Variants in ACER2 observed in about 807,000 individuals in gnomAD.
ACER2 encodes alkaline ceramidase 2, also known as alkCDase 2.
Under a neutral mutation model 34.7 loss-of-function variants are expected in ACER2, and 26 were observed. That is an observed-to-expected ratio of 0.75 (90% CI 0.55 to 1.04). The LOEUF (loss-of-function observed/expected upper bound fraction) is 1.04. Ranked by LOEUF, ACER2 falls within the 50% of genes least tolerant of loss-of-function variation. The probability of loss-of-function intolerance (pLI) is 0.00; values close to 1 mark genes in which losing one functional copy is unlikely to be tolerated. For missense variants in ACER2, 352 were observed against 340.8 expected (o/e 1.03, Z -0.26); for synonymous variants, 138 against 132.1 (o/e 1.04, Z -0.31).
intron 1 of ACER2, among the ~76,000 whole-genome samples, chr9:19,413,125 T>A (rs769792829): frequency 6.6e-6 from 1 of 152,214 alleles, no homozygotes; most frequent in Non-Finnish European, 1.5e-5. Context: ...ACAAAACATT[T>A]TGCTTTGGCC....
At chr9:19,410,348 G>A (rs1222505355) in intron 1 of ACER2, among the ~76,000 whole-genome samples, 1 of 152,116 alleles carries the variant, frequency 6.6e-6, no homozygotes, top group Non-Finnish European at 1.5e-5. Context: ...TTCCCTCAGT[G>A]CTGAAATCCA....
At chr9:19,447,516 A>C (rs775220326) in intron 5 of ACER2, among the ~76,000 whole-genome samples, 1 of 152,216 alleles carries the variant, frequency 6.6e-6, no homozygotes, top group Non-Finnish European at 1.5e-5. Flanking sequence ...GATTCAACTC[A>C]ACTAATACTA....
intron 1 of ACER2, among the ~76,000 whole-genome samples, chr9:19,423,032 C>CAAAAAA (rs764823366): frequency 2.9e-5 from 2 of 68,960 alleles, no homozygotes; most frequent in African/African-American, 4.7e-5. Context: ...AACTCTGTCT[C>CAAAAAA]AAAAAAAAAA....
chr9:19,417,286 T>C lies in ACER2; in HGVS notation c.109-6576T>C, dbSNP rs1279387977. ...AAAGGAAGAATCAAAATCATGAAAA[T>C]GGCCATACTGCCCAAGGTAATTTAT... is the stretch of plus-strand genomic sequence containing the variant. On this transcript the variant is annotated intron_variant, in intron 1 of 5. Coordinates refer to ENST00000340967, the MANE Select transcript of ACER2 (RefSeq NM_001010887.3). Among the ~76,000 whole-genome samples, 4 of 152,278 alleles carry C rather than the reference T, an allele frequency of 2.6e-5. No homozygotes were observed. The East Asian group carries it at 7.7e-4, about 29-fold the overall frequency.
chr9:19,414,535 T>C (rs932820983), intron 1 of ACER2, among the ~76,000 whole-genome samples: 11 of 152,146 alleles, frequency 7.2e-5, no homozygotes, highest in African/African-American at 2.7e-4. Flanking sequence ...CTAATCCTAG[T>C]ACTTTAGGAG....
At chr9:19,409,293 G>T in intron 1 of ACER2, 101 bp downstream of exon 1, 1 of 1,168,046 alleles carries the variant, frequency 8.6e-7, no homozygotes, top group South Asian at 1.3e-5. Context: ...GCGCGCATCT[G>T]GGGGCATTCT....
In ACER2 at chr9:19,409,209, C is replaced by G. The variant is rs745662574; in HGVS notation, c.108+17C>G. 12 of 1,565,736 alleles carry G rather than the reference C, an allele frequency of 7.7e-6. No homozygotes were observed. The highest frequency in any genetic ancestry group is 3.5e-6 in the Non-Finnish European group (4 of 1,155,222). ...TACAACACGGTGCGGGGCGCGGGAG[C>G]GGGGAAGGCAGGCGGGCCAGCGGGA... On this transcript the variant is annotated intron_variant, in intron 1 of 5. Transcript: ENST00000340967.
At chr9:19,425,322 C>T (rs998795625) in intron 3 of ACER2, among the ~76,000 whole-genome samples, 4 of 152,292 alleles carry the variant, frequency 2.6e-5, no homozygotes, top group East Asian at 1.9e-4. Flanking sequence ...TGTGCACCTG[C>T]GTGCGTGCGC....
At chr9:19,436,375 AAG>A (rs1274887613) in intron 4 of ACER2, among the ~76,000 whole-genome samples, 1 of 152,240 alleles carries the variant, frequency 6.6e-6, no homozygotes, top group Non-Finnish European at 1.5e-5. Context: ...ACAAGCAAAA[AAG>A]AAATCTGTCA....
Position 19,450,793 on chromosome 9 carries a change from T to C in ACER2, c.*157T>C. The stretch of plus-strand genomic sequence containing the variant: ...CTTAATTTCTTTAGTGTTCTTTGTA[T>C]GTAGGGATTTAAACTTTGTCATATG... On this transcript the variant is annotated 3_prime_UTR_variant, in exon 6 of 6. Coordinates refer to ENST00000340967, the MANE Select transcript of ACER2 (RefSeq NM_001010887.3). 1 of 625,790 alleles carries C rather than the reference T, an allele frequency of 1.6e-6. No homozygotes were observed. Among genetic ancestry groups the C allele is most frequent in the Non-Finnish European group, 2.5e-6 (1 of 407,986 alleles). The allele number at this position is 625,790 out of a possible 1,614,324, so 38.8% of individuals were successfully genotyped here. A position where few individuals can be genotyped will look rare whatever the true frequency, so the allele number is the denominator to read the frequency against.
chr9:19,426,961 C>T (rs977964490), intron 3 of ACER2, among the ~76,000 whole-genome samples: 1 of 152,156 alleles, frequency 6.6e-6, no homozygotes, highest in Admixed American at 6.5e-5. Flanking sequence ...TCACCAGCAG[C>T]CTGCAGCATT....
rs370998853 is a variant in ACER2, at chr9:19,427,392, C to T, written c.365+2551C>T. Among the ~76,000 whole-genome samples, 117 of 152,248 alleles carry T rather than the reference C, an allele frequency of 7.7e-4. 2 individuals are homozygous for T. The South Asian group carries it at 0.023, about 30-fold the overall frequency. On this transcript the variant is annotated intron_variant, in intron 3 of 5. Transcript: ENST00000340967. ...TAAAAAAGGATTTCAAGTCTATTTG[C>T]ACATCTTCAATTTTCCAGTGACCAG...
At chr9:19,427,929 G>A (rs1830621327) in intron 3 of ACER2, among the ~76,000 whole-genome samples, 1 of 152,054 alleles carries the variant, frequency 6.6e-6, no homozygotes, top group African/African-American at 2.4e-5. Flanking sequence ...GCCTCCCAAA[G>A]TGCTGGGATT....
chr9:19,444,398 G>C (rs1353556291), intron 4 of ACER2, among the ~76,000 whole-genome samples: 2 of 151,928 alleles, frequency 1.3e-5, no homozygotes, highest in African/African-American at 4.8e-5. Flanking sequence ...ATTTTTAGTA[G>C]AGACGAGGTT....
intron 4 of ACER2, among the ~76,000 whole-genome samples, chr9:19,443,208 A>G (rs1831216981): frequency 6.6e-6 from 1 of 151,718 alleles, no homozygotes; most frequent in Non-Finnish European, 1.5e-5. Flanking sequence ...TTTTTTTTGT[A>G]TTTTTAGTAG....
At chr9:19,419,556 A>C (rs1830339532) in intron 1 of ACER2, among the ~76,000 whole-genome samples, 1 of 152,174 alleles carries the variant, frequency 6.6e-6, no homozygotes, top group Non-Finnish European at 1.5e-5. Flanking sequence ...ACTTGAGGTC[A>C]GGAGTTGAAG....
At position 19,450,554 on chromosome 9, in the gene ACER2, C is replaced by G. The variant is rs1208944510; in HGVS notation, c.746C>G (p.Pro249Arg). The G allele has an allele frequency of 1.9e-6, 3 of 1,611,116 alleles. No individual in the cohort carries two copies. The highest frequency in any genetic ancestry group is 2.5e-6 in the Non-Finnish European group (3 of 1,177,680). ...PEQGPVIKFWPNEKWAFIGVP... is the reference protein window; with the variant it reads ...PEQGPVIKFWRNEKWAFIGVP... ...CAAGGCCCTGTCATCAAGTTCTGGCCCAATGAGAAATGGGCCTTCATTGGT... is the reference window on the plus strand; with the variant it reads ...CAAGGCCCTGTCATCAAGTTCTGGCGCAATGAGAAATGGGCCTTCATTGGT... Residue 249 changes from proline to arginine, a missense_variant, in exon 6 of 6, where the codon CCC becomes CGC. Physicochemically the swap from Pro to Arg is moderately radical, Grantham distance 103. Coordinates refer to ENST00000340967, the MANE Select transcript of ACER2 (RefSeq NM_001010887.3).
chr9:19,420,810 A>G (rs1189402810), intron 1 of ACER2, among the ~76,000 whole-genome samples: 1 of 152,198 alleles, frequency 6.6e-6, no homozygotes, highest in East Asian at 1.9e-4. Flanking sequence ...TCAAAGACGG[A>G]GTATATGCTA....
chr9:19,448,532 C>T (rs1190006490), intron 5 of ACER2, among the ~76,000 whole-genome samples: 3 of 152,046 alleles, frequency 2.0e-5, no homozygotes, highest in African/African-American at 7.2e-5. Context: ...TTATAATGAA[C>T]ATCTAGATTG....
Sources: gnomAD v4.1 joint callset for allele counts (sites outside exome capture counted in the v4.1 genomes callset) on GRCh38, gnomAD v4.1.1 for gene constraint, MANE v1.5 for transcripts, NCBI Gene and HGNC (gene_info 2026-07-23, HGNC 2026-07-21) for gene names.